Variants in SKAP1 observed in about 807,000 individuals in gnomAD.
The protein encoded by SKAP1 is src kinase-associated phosphoprotein 1.
SKAP1 carries 44 observed loss-of-function variants against 58.5 expected under a neutral mutation model. The ratio of observed to expected loss-of-function variants is 0.75; its 90% confidence interval spans 0.59 to 0.97. The LOEUF (loss-of-function observed/expected upper bound fraction) is 0.97. SKAP1 is among the 50% of genes least tolerant of loss of function. The pLI, the probability that SKAP1 is intolerant of heterozygous loss-of-function variation, is 0.00. For missense variants in SKAP1, 390 were observed against 435.2 expected, an observed-to-expected ratio of 0.90 and a Z score of 0.92; for synonymous variants, 127 against 149.7, an observed-to-expected ratio of 0.85 and a Z score of 1.11.
At chr17:48,295,624 T>C (rs2065958526) in intron 4 of SKAP1, 1 of 151,950 alleles carries the variant, frequency 6.6e-6, no homozygotes, top group Non-Finnish European at 1.5e-5. Flanking sequence ...CTTCCTCTTT[T>C]TTTTTTTTTT....
intron 1 of SKAP1, among the ~76,000 whole-genome samples, chr17:48,409,456 G>A (rs1373944661): frequency 6.6e-6 from 1 of 152,182 alleles, no homozygotes; most frequent in Non-Finnish European, 1.5e-5. Flanking sequence ...CTTGTGCCCA[G>A]GAGTTCAAGA....
At chr17:48,241,929 G>T (rs1029372253) in intron 4 of SKAP1, among the ~76,000 whole-genome samples, 1 of 152,054 alleles carries the variant, frequency 6.6e-6, no homozygotes, top group African/African-American at 2.4e-5. Context: ...AGATATCAAG[G>T]CTCCTGACAC....
At chr17:48,245,010 A>G (rs1479523151) in intron 4 of SKAP1, among the ~76,000 whole-genome samples, 2 of 152,226 alleles carry the variant, frequency 1.3e-5, no homozygotes, top group Non-Finnish European at 2.9e-5. Flanking sequence ...AGGTTAGAGA[A>G]AGAACACACC....
chr17:48,353,096 G>A (rs2066823483), intron 3 of SKAP1, among the ~76,000 whole-genome samples: 1 of 152,116 alleles, frequency 6.6e-6, no homozygotes, highest in Non-Finnish European at 1.5e-5. Context: ...TCAATGATTT[G>A]GTCAAGAAAG....
At chr17:48,351,190 G>C (rs916495345) in intron 3 of SKAP1, among the ~76,000 whole-genome samples, 1 of 152,182 alleles carries the variant, frequency 6.6e-6, no homozygotes, top group Non-Finnish European at 1.5e-5. Context: ...GTATATTATA[G>C]AGCACATTTG....
chr17:48,356,262 A>C (rs991127211), intron 3 of SKAP1, among the ~76,000 whole-genome samples: 1 of 152,138 alleles, frequency 6.6e-6, no homozygotes, highest in African/African-American at 2.4e-5. Context: ...TGTCTCAAAA[A>C]CTAAAATAAA....
rs200625767 is a variant in SKAP1 at position 48,231,220 on chromosome 17, C to T, written c.281-41720G>A. Among the ~76,000 whole-genome samples, 8 of 152,296 alleles carry T rather than the reference C, an allele frequency of 5.3e-5. No individual in the cohort carries two copies. The East Asian group carries it at 7.7e-4, about 15-fold the overall frequency. On this transcript the variant is annotated intron_variant, in intron 4 of 12. Coordinates refer to ENST00000336915, the MANE Select transcript of SKAP1 (RefSeq NM_003726.4). ...CAGATATCAGAATGAATTTCTGGGT[C>T]AGGTTATTGGAAATTTACATTTTTA...
chr17:48,414,966 T>G (rs1040789987), intron 1 of SKAP1, among the ~76,000 whole-genome samples: 1 of 152,194 alleles, frequency 6.6e-6, no homozygotes, highest in Admixed American at 6.5e-5. Flanking sequence ...TACTAAAAGA[T>G]TAAGGTTGCC....
chr17:48,333,357 T>C (rs1398018835), intron 4 of SKAP1, among the ~76,000 whole-genome samples: 1 of 152,164 alleles, frequency 6.6e-6, no homozygotes, highest in Non-Finnish European at 1.5e-5. Flanking sequence ...AATAAAAATG[T>C]AAACGCTCTG....
intron 4 of SKAP1, chr17:48,196,641 GA>G (rs1443490327): frequency 6.6e-6 from 1 of 152,186 alleles, no homozygotes. Flanking sequence ...TTATAAGTGA[GA>G]AAATGCCATA....
intron 11 of SKAP1, among the ~76,000 whole-genome samples, chr17:48,139,022 G>A (rs1035656268): frequency 1.3e-5 from 2 of 151,796 alleles, no homozygotes; most frequent in African/African-American, 4.8e-5. Flanking sequence ...CTGAGTAGCT[G>A]GGACTACAGG....
chr17:48,355,892 CA>C (rs2066870713), intron 3 of SKAP1, among the ~76,000 whole-genome samples: 1 of 151,874 alleles, frequency 6.6e-6, no homozygotes, highest in Admixed American at 6.6e-5. Context: ...CCAACGTTCT[CA>C]AACATTAAAC....
At chr17:48,267,329 T>C (rs772890084) in intron 4 of SKAP1, among the ~76,000 whole-genome samples, 80 of 152,212 alleles carry the variant, frequency 5.3e-4, no homozygotes, top group Admixed American at 3.0e-3. Context: ...TTTACTTTGT[T>C]CTCACAATCA....
intron 4 of SKAP1, among the ~76,000 whole-genome samples, chr17:48,209,557 T>C (rs2064847644): frequency 6.6e-6 from 1 of 152,170 alleles, no homozygotes. Flanking sequence ...GACTCTTTGC[T>C]CTGTGTTCTA....
chr17:48,415,176 T>C (rs1164558422), intron 1 of SKAP1, among the ~76,000 whole-genome samples: 1 of 152,118 alleles, frequency 6.6e-6, no homozygotes, highest in South Asian at 2.1e-4. Context: ...ATCAAAGTGT[T>C]CCTAGAGGGG....
At chr17:48,424,790 G>A (rs1404127144) in intron 1 of SKAP1, among the ~76,000 whole-genome samples, 1 of 150,894 alleles carries the variant, frequency 6.6e-6, no homozygotes, top group African/African-American at 2.4e-5. Flanking sequence ...AAATTAGCTG[G>A]GTGTGGTGGC....
intron 2 of SKAP1, among the ~76,000 whole-genome samples, chr17:48,366,209 T>C (rs1333275798): frequency 1.3e-5 from 2 of 152,136 alleles, no homozygotes; most frequent in East Asian, 1.9e-4. Context: ...TTTCAGAAAA[T>C]AAAGACAGAA....
intron 2 of SKAP1, among the ~76,000 whole-genome samples, chr17:48,381,570 A>G (rs138749660): frequency 7.5e-4 from 114 of 152,364 alleles, no homozygotes; most frequent in African/African-American, 2.5e-3. Flanking sequence ...GTATACCTCA[A>G]TAAAACTGGA....
chr17:48,391,294 T>C (rs2067342381), intron 2 of SKAP1, among the ~76,000 whole-genome samples: 1 of 152,168 alleles, frequency 6.6e-6, no homozygotes, highest in Admixed American at 6.5e-5. Flanking sequence ...AAAATAATCA[T>C]TATGATAAAA....
Sources: gnomAD v4.1 joint callset for allele counts (sites outside exome capture counted in the v4.1 genomes callset) on GRCh38, gnomAD v4.1.1 for gene constraint, MANE v1.5 for transcripts, NCBI Gene and HGNC (gene_info 2026-07-23, HGNC 2026-07-21) for gene names.